The following DESI2 variants were observed in gnomAD, a reference collection of about 807,000 sequenced individuals.
DESI2 encodes the protein desumoylating isopeptidase 2.
DESI2 carries 10 observed loss-of-function variants against 24.1 expected under a neutral mutation model. The ratio of observed to expected loss-of-function variants is 0.41; its 90% CI spans 0.26 to 0.70. DESI2 has a LOEUF of 0.70. DESI2 is among the 30% of genes least tolerant of loss of function. DESI2 has a pLI of 0.29. For missense variants in DESI2, 122 were observed against 234.9 expected, an observed-to-expected ratio of 0.52 and a Z score of 3.14; for synonymous variants, 71 against 87.7, an observed-to-expected ratio of 0.81 and a Z score of 1.06.
chr1:244,653,693 C>G (rs1675544330), intron 1 of DESI2: 1 of 413,826 alleles, frequency 2.4e-6, no homozygotes, highest in South Asian at 2.4e-5. Flanking sequence ...CGTTTCCAAC[C>G]CCACTTGCCG....
At chr1:244,659,232 A>G (rs1270308847) in intron 1 of DESI2, among the ~76,000 whole-genome samples, 1 of 152,152 alleles carries the variant, frequency 6.6e-6, no homozygotes, top group Non-Finnish European at 1.5e-5. Flanking sequence ...TGAGAAAAGA[A>G]TTCAGTTTCC....
chr1:244,693,045 G>A (rs988622197), intron 4 of DESI2, among the ~76,000 whole-genome samples: 3 of 152,202 alleles, frequency 2.0e-5, no homozygotes, highest in African/African-American at 7.2e-5. Flanking sequence ...CATTACATTT[G>A]TATGGAATGC....
At chr1:244,705,487 C>T in intron 4 of DESI2, 69 bp from the exon 5 acceptor site, 1 of 1,370,696 alleles carries the variant, frequency 7.3e-7, no homozygotes, top group Non-Finnish European at 1.0e-6. Flanking sequence ...TCCCACCCTC[C>T]ACTCCCTGGC....
At chr1:244,694,848 A>T in intron 4 of DESI2, 2 of 505,186 alleles carry the variant, frequency 4.0e-6, no homozygotes, top group South Asian at 5.1e-5. Flanking sequence ...TGCAGCAAAG[A>T]TTTATGGCCT....
At position 244,697,960 on chromosome 1, in the gene DESI2, G is replaced by C. The variant is rs1314617429; in HGVS notation, c.351+5940G>C. Reference sequence around the variant, plus strand: ...CCTGCACGCCCTCAACCCCATTCCAGATAGGGTCTCCTCCGCAACTGTAAT... The same window carrying C: ...CCTGCACGCCCTCAACCCCATTCCACATAGGGTCTCCTCCGCAACTGTAAT... On this transcript the variant is annotated intron_variant, in intron 4 of 4. Coordinates refer to ENST00000302550, the MANE Select transcript of DESI2 (RefSeq NM_016076.5). 4.6e-5 allele frequency among the ~76,000 whole-genome samples: 7 copies of C among 152,204 alleles called. 1 individual carries two copies. Among genetic ancestry groups the C allele is most frequent in the Admixed American group, 4.6e-4 (7 of 15,274 alleles).
chr1:244,653,576 C>T, intron 1 of DESI2: 1 of 532,036 alleles, frequency 1.9e-6, no homozygotes, highest in Non-Finnish European at 3.2e-6. Context: ...TTGGCCAAAG[C>T]TCGGGTGGGC....
chr1:244,664,146 A>G (rs2148785546), intron 1 of DESI2, among the ~76,000 whole-genome samples: 1 of 152,318 alleles, frequency 6.6e-6, no homozygotes. Context: ...GGTTAAAAAC[A>G]GGGCCAGTGT....
chr1:244,676,664 C>T (rs1177504523), intron 1 of DESI2, among the ~76,000 whole-genome samples: 2 of 151,236 alleles, frequency 1.3e-5, no homozygotes, highest in African/African-American at 2.4e-5. Flanking sequence ...AGTCTTTCAC[C>T]GTTAAGTATG....
chr1:244,703,359 GTTTGT>G (rs967777695), intron 4 of DESI2, among the ~76,000 whole-genome samples: 27 of 151,400 alleles, frequency 1.8e-4, no homozygotes, highest in African/African-American at 6.6e-4. Context: ...ATTCTTTTTT[GTTTGT>G]TTTGTTTTTG....
intron 4 of DESI2, among the ~76,000 whole-genome samples, chr1:244,698,913 A>G (rs754818359): frequency 6.6e-6 from 1 of 152,204 alleles, no homozygotes; most frequent in Non-Finnish European, 1.5e-5. Flanking sequence ...GATTACTGAC[A>G]AAAGCTACAT....
intron 1 of DESI2, among the ~76,000 whole-genome samples, chr1:244,684,431 A>C (rs1052611556): frequency 6.6e-6 from 1 of 152,158 alleles, no homozygotes; most frequent in East Asian, 1.9e-4. Flanking sequence ...CTTTTGTTGC[A>C]ATTGGTGGTA....
rs1379125867 is a variant in DESI2 at position 244,686,621 on chromosome 1, T to A, written c.67T>A (p.Ser23Thr). 1 of 1,608,978 alleles carries A rather than the reference T, an allele frequency of 6.2e-7. No homozygotes were observed. The highest frequency in any genetic ancestry group is 1.7e-5 in the Admixed American group (1 of 59,994). The change falls in exon 2 of 5, where the codon TCC becomes ACC. Residue 23 changes from serine to threonine, a missense_variant. This residue lies in a region of DESI2 where 16 missense variants were observed against 65.7 expected (regional missense o/e 0.24). Coordinates refer to ENST00000302550, the MANE Select transcript of DESI2 (RefSeq NM_016076.5). ...DMYWMNEYTSSIGIGVFHSGI... is the reference protein window; with the variant it reads ...DMYWMNEYTSTIGIGVFHSGI... ...GTATTGGATGAACGAATATACCTCA[T>A]CCATTGGAATTGGAGTTTTTCATTC...
intron 4 of DESI2, 105 bp downstream of exon 4, chr1:244,692,125 TTG>T: frequency 1.9e-6 from 2 of 1,034,738 alleles, no homozygotes. Context: ...TTCCGATTTT[TTG>T]TGTTGTATGA....
At chr1:244,681,036 G>A (rs554155564) in intron 1 of DESI2, among the ~76,000 whole-genome samples, 2 of 143,054 alleles carry the variant, frequency 1.4e-5, no homozygotes, top group African/African-American at 5.2e-5. Flanking sequence ...TATTCTTTTT[G>A]ATGTTCACCT....
intron 4 of DESI2, among the ~76,000 whole-genome samples, chr1:244,704,291 CATA>C (rs1242449983): frequency 6.6e-6 from 1 of 152,146 alleles, no homozygotes; most frequent in Middle Eastern, 3.2e-3. Flanking sequence ...ATCACATGAT[CATA>C]ATCTTTGGTA....
At chr1:244,705,515 TA>T in intron 4 of DESI2, 40 bp from the exon 5 acceptor site, 1 of 1,565,354 alleles carries the variant, frequency 6.4e-7, no homozygotes, top group Non-Finnish European at 8.8e-7. Context: ...CAGGTAATCT[TA>T]ACCTCTCTTA....
intron 4 of DESI2, among the ~76,000 whole-genome samples, chr1:244,692,607 A>T (rs1401729670): frequency 1.3e-5 from 2 of 152,222 alleles, no homozygotes; most frequent in Non-Finnish European, 2.9e-5. Flanking sequence ...TCTGATTCTT[A>T]GCAGATGGTT....
intron 4 of DESI2, 75 bp from the exon 5 acceptor site, chr1:244,705,470 CCCCTCCTCCCA>C (rs1266520021): frequency 3.5e-6 from 4 of 1,158,894 alleles, no homozygotes. Flanking sequence ...GTACGCCGCC[CCCCTCCTCCCA>C]CCCTCCACTC....
intron 4 of DESI2, among the ~76,000 whole-genome samples, chr1:244,704,629 G>T (rs528823995): frequency 1.3e-5 from 2 of 151,984 alleles, no homozygotes; most frequent in Admixed American, 6.6e-5. Flanking sequence ...TTCTGCAGAG[G>T]AGTCACAGAG....
Sources: allele counts gnomAD v4.1 joint callset (sites outside exome capture counted in the v4.1 genomes callset), GRCh38; gene constraint gnomAD v4.1.1; regional missense constraint gnomAD v4.1.1; transcripts MANE v1.5; gene names NCBI Gene and HGNC (gene_info 2026-07-23, HGNC 2026-07-21).